Variants in CTNNA2 observed in about 807,000 individuals in gnomAD.
The protein encoded by CTNNA2 is catenin alpha 2.
A neutral mutation model predicts 101.0 loss-of-function variants in CTNNA2; 42 were observed. That is an observed-to-expected ratio of 0.42 (90% CI 0.32 to 0.54). CTNNA2 has a LOEUF of 0.54. Ranked by LOEUF, CTNNA2 falls within the 20% of genes least tolerant of loss-of-function variation. The pLI is 0.14. For synonymous variants in CTNNA2, 450 were observed against 456.4 expected (o/e 0.99, Z 0.18); for missense variants, 871 against 1,223.1 (o/e 0.71, Z 4.29).
intron 17 of CTNNA2, among the ~76,000 whole-genome samples, chr2:80,613,891 A>G (rs559633436): frequency 1.5e-4 from 22 of 151,492 alleles, no homozygotes; most frequent in African/African-American, 5.1e-4. Flanking sequence ...AGTAATTTCT[A>G]TTTTAGTTTG....
intron 2 of CTNNA2, among the ~76,000 whole-genome samples, chr2:79,739,076 T>TC (rs921588465): frequency 2.6e-5 from 4 of 151,344 alleles, no homozygotes; most frequent in African/African-American, 9.7e-5. Context: ...TTGCTGTTTT[T>TC]TTTTTTTTTC....
chr2:80,014,964 GGTCAAAATT>G (rs1408792512), intron 7 of CTNNA2, among the ~76,000 whole-genome samples: 16 of 152,224 alleles, frequency 1.1e-4, no homozygotes, highest in African/African-American at 3.9e-4. Context: ...GATGTGGGGT[GGTCAAAATT>G]ATCTCTAGGT....
At chr2:80,411,923 G>A (rs375931746) in intron 8 of CTNNA2, among the ~76,000 whole-genome samples, 9 of 152,090 alleles carry the variant, frequency 5.9e-5, no homozygotes, top group African/African-American at 2.2e-4. Context: ...ATTCCCCAAT[G>A]CTTTTCTGCT....
intron 7 of CTNNA2, among the ~76,000 whole-genome samples, chr2:79,992,388 C>A (rs997364599): frequency 6.6e-6 from 1 of 152,048 alleles, no homozygotes. Context: ...CAGTAAAACC[C>A]CAAAGAACCA....
At chr2:80,183,170 G>A (rs947614992) in intron 7 of CTNNA2, among the ~76,000 whole-genome samples, 4 of 152,144 alleles carry the variant, frequency 2.6e-5, no homozygotes, top group Middle Eastern at 3.4e-3. Flanking sequence ...ACCATTTATC[G>A]GAAAATACCA....
chr2:80,429,444 A>G (rs775512277), intron 9 of CTNNA2, among the ~76,000 whole-genome samples: 2 of 152,172 alleles, frequency 1.3e-5, no homozygotes, highest in Non-Finnish European at 2.9e-5. Flanking sequence ...TCCAGAGACC[A>G]CATTCTTAGC....
At chr2:79,857,043 C>CCT (rs1681197772) in intron 3 of CTNNA2, among the ~76,000 whole-genome samples, 1 of 152,228 alleles carries the variant, frequency 6.6e-6, no homozygotes, top group South Asian at 2.1e-4. Context: ...GGCATTACTG[C>CCT]CTCTCTCCAG....
rs181912283 is a variant in CTNNA2 at position 79,701,592 on chromosome 2, C to T, written c.103-42795C>T. On this transcript the variant is annotated intron_variant, in intron 2 of 18. Coordinates refer to ENST00000402739, the MANE Select transcript of CTNNA2 (RefSeq NM_001282597.3). Reference sequence around the variant, plus strand: ...ACACAATCTCACTGGTCCTATGATACTAAAAACCTAGTTATCTGGCATATT... The same window carrying T: ...ACACAATCTCACTGGTCCTATGATATTAAAAACCTAGTTATCTGGCATATT... 3.9e-5 allele frequency among the ~76,000 whole-genome samples: 6 copies of T among 152,312 alleles called. No homozygotes were observed. The East Asian group carries it at 7.7e-4, about 20-fold the overall frequency.
At chr2:80,607,040 GTTAAAT>G (rs1420102022) in intron 16 of CTNNA2, among the ~76,000 whole-genome samples, 10 of 151,892 alleles carry the variant, frequency 6.6e-5, no homozygotes, top group African/African-American at 1.4e-4. Flanking sequence ...AATGGTAAGT[GTTAAAT>G]ATAAAAAATA....
chr2:79,470,037 A>C (rs142408066), intron 4 of CTNNA2, among the ~76,000 whole-genome samples: 1,620 of 152,334 alleles, frequency 0.011, 15 homozygotes, highest in Non-Finnish European at 0.015. Flanking sequence ...TAGGGCAGTC[A>C]GGCAGGAGAA....
chr2:80,445,483 G>A (rs927068152), intron 9 of CTNNA2, among the ~76,000 whole-genome samples: 8 of 152,072 alleles, frequency 5.3e-5, no homozygotes, highest in African/African-American at 1.2e-4. Context: ...GCTCGGCCCC[G>A]TTATTTGCAA....
chr2:79,617,141 A>G (rs1678681024), intron 1 of CTNNA2, among the ~76,000 whole-genome samples: 1 of 152,060 alleles, frequency 6.6e-6, no homozygotes, highest in East Asian at 1.9e-4. Context: ...TGACCTCGTG[A>G]TCCGCCCACC....
At chr2:80,021,911 T>G (rs1188638837) in intron 7 of CTNNA2, among the ~76,000 whole-genome samples, 3 of 151,752 alleles carry the variant, frequency 2.0e-5, no homozygotes, top group African/African-American at 7.3e-5. Context: ...TTACTTTACA[T>G]TAATGAATTA....
intron 4 of CTNNA2, among the ~76,000 whole-genome samples, chr2:79,426,871 T>C (rs543269311): frequency 4.1e-4 from 62 of 152,228 alleles, no homozygotes; most frequent in Non-Finnish European, 7.4e-4. Context: ...GTGAGATAAA[T>C]AGACAAGATT....
chr2:80,372,018 G>A lies in CTNNA2; in HGVS notation c.1057-21193G>A, dbSNP rs543260031. Among the ~76,000 whole-genome samples, 10 of 152,170 alleles carry A rather than the reference G, an allele frequency of 6.6e-5. No homozygotes were observed. The East Asian group carries it at 1.2e-3, about 18-fold the overall frequency. ...TAATAAGGTGGTCATAAAACTTGTCGTCCGAATTGAAGCACTTTATAGAGT... is the reference window on the plus strand; with the variant it reads ...TAATAAGGTGGTCATAAAACTTGTCATCCGAATTGAAGCACTTTATAGAGT... On this transcript the variant is annotated intron_variant, in intron 7 of 18. Transcript: ENST00000402739.
chr2:79,862,840 T>C (rs990354313), intron 4 of CTNNA2, among the ~76,000 whole-genome samples: 2 of 152,214 alleles, frequency 1.3e-5, no homozygotes, highest in Non-Finnish European at 2.9e-5. Context: ...ATAATTATGA[T>C]GCTTTCTTTC....
At chr2:79,694,375 C>T (rs190237442) in intron 2 of CTNNA2, among the ~76,000 whole-genome samples, 18 of 152,072 alleles carry the variant, frequency 1.2e-4, no homozygotes, top group African/African-American at 3.9e-4. Flanking sequence ...ATCGTGATTG[C>T]AATAATATCT....
At chr2:79,436,338 C>A (rs1261569580) in intron 4 of CTNNA2, among the ~76,000 whole-genome samples, 1 of 152,190 alleles carries the variant, frequency 6.6e-6, no homozygotes, top group Non-Finnish European at 1.5e-5. Flanking sequence ...AGCAGGTAAG[C>A]AGGCCCTTGA....
chr2:79,580,139 G>T (rs1265216507), intron 1 of CTNNA2, among the ~76,000 whole-genome samples: 2 of 151,924 alleles, frequency 1.3e-5, no homozygotes, highest in African/African-American at 2.4e-5. Flanking sequence ...TGTTTTTTAG[G>T]ATCTATTTCT....
Sources: gnomAD v4.1 joint callset for allele counts (sites outside exome capture counted in the v4.1 genomes callset) on GRCh38, gnomAD v4.1.1 for gene constraint, MANE v1.5 for transcripts, NCBI Gene and HGNC (gene_info 2026-07-23, HGNC 2026-07-21) for gene names.